The following RAPGEF5 variants were observed in gnomAD, a reference collection of about 807,000 sequenced individuals.
RAPGEF5 encodes Rap guanine nucleotide exchange factor 5.
In RAPGEF5, 65 loss-of-function variants were observed where a neutral mutation model predicts 125.2. The observed-to-expected ratio is 0.52, with a 90% CI of 0.43 to 0.64. The LOEUF (loss-of-function observed/expected upper bound fraction) is 0.64, where lower values mean the gene tolerates loss of function less well. RAPGEF5 is among the 30% of genes least tolerant of loss of function. The pLI, the probability that RAPGEF5 is intolerant of heterozygous loss-of-function variation, is 0.00. For missense variants in RAPGEF5, 958 were observed against 1,048.1 expected, an observed-to-expected ratio of 0.91 and a Z score of 1.19; for synonymous variants, 391 against 385.9, an observed-to-expected ratio of 1.01 and a Z score of -0.16.
intron 11 of RAPGEF5, among the ~76,000 whole-genome samples, chr7:22,171,808 G>C (rs1423762639): frequency 6.6e-6 from 1 of 152,052 alleles, no homozygotes. Flanking sequence ...CATTTTCTTT[G>C]ATATTCTATG....
intron 20 of RAPGEF5, among the ~76,000 whole-genome samples, chr7:22,142,733 G>A (rs1309315715): frequency 6.6e-6 from 1 of 152,184 alleles, no homozygotes; most frequent in African/African-American, 2.4e-5. Flanking sequence ...CACTCCTTTT[G>A]TCTTTGTGTG....
chr7:22,238,862 C>T (rs181829498), intron 7 of RAPGEF5, among the ~76,000 whole-genome samples: 1 of 152,206 alleles, frequency 6.6e-6, no homozygotes, highest in East Asian at 1.9e-4. Flanking sequence ...CAGAATTATA[C>T]AGGAAGTGAG....
chr7:22,130,843 G>C, intron 24 of RAPGEF5, 194 bp downstream of exon 24: 2 of 697,250 alleles, frequency 2.9e-6, no homozygotes, highest in South Asian at 3.8e-5. Flanking sequence ...CATACTTGTT[G>C]TTAATTGGAA....
chr7:22,353,203 A>G (rs1562543391), intron 1 of RAPGEF5, among the ~76,000 whole-genome samples: 1 of 152,072 alleles, frequency 6.6e-6, no homozygotes, highest in Non-Finnish European at 1.5e-5. Context: ...CAAATGAACC[A>G]CTCTCTTCTG....
chr7:22,224,634 C>G (rs1371933373), intron 8 of RAPGEF5, among the ~76,000 whole-genome samples: 1 of 152,048 alleles, frequency 6.6e-6, no homozygotes, highest in Non-Finnish European at 1.5e-5. Context: ...CAAAAGACAG[C>G]ATGTGGGGAA....
At chr7:22,235,102 C>G (rs1473929856) in intron 7 of RAPGEF5, among the ~76,000 whole-genome samples, 1 of 152,134 alleles carries the variant, frequency 6.6e-6, no homozygotes, top group South Asian at 2.1e-4. Flanking sequence ...CAGATAGAAA[C>G]TGAGCATTTC....
At chr7:22,177,270 G>A (rs769209948) in intron 11 of RAPGEF5, among the ~76,000 whole-genome samples, 2 of 152,180 alleles carry the variant, frequency 1.3e-5, no homozygotes, top group Non-Finnish European at 1.5e-5. Context: ...GAATGTCTGG[G>A]CAGTCCTCCA....
intron 2 of RAPGEF5, among the ~76,000 whole-genome samples, chr7:22,315,812 T>C (rs1456921789): frequency 1.3e-5 from 2 of 151,936 alleles, no homozygotes; most frequent in African/African-American, 2.4e-5. Flanking sequence ...AAATATAATA[T>C]TTATATCAAT....
intron 8 of RAPGEF5, among the ~76,000 whole-genome samples, chr7:22,228,261 C>T (rs533572607): frequency 6.6e-6 from 1 of 152,292 alleles, no homozygotes; most frequent in East Asian, 1.9e-4. Flanking sequence ...CAGAACCAGA[C>T]TGCCCTGGTT....
rs145817833 is a variant in RAPGEF5, at chr7:22,150,436, C to G, written c.1855G>C (p.Val619Leu). The G allele has an allele frequency of 6.3e-7, 1 of 1,587,268 alleles. No individual in the cohort carries two copies. The highest frequency in any genetic ancestry group is 2.3e-5 in the East Asian group (1 of 42,906). The part of the protein sequence containing the change: ...KSLEASGRIY[V>L]YRKDLADTLN... Reference sequence around the variant, plus strand: ...GTGTCCGCCAGGTCTTTCCGGTAGACATATATTCGACCAGATGCCTCGAGG... The same window carrying G: ...GTGTCCGCCAGGTCTTTCCGGTAGAGATATATTCGACCAGATGCCTCGAGG... Residue 619 changes from valine to leucine, a missense_variant, in exon 18 of 26, where the codon GTC (valine) becomes CTC (leucine). Transcript: ENST00000665637.
At chr7:22,298,984 T>G (rs1199109095) in intron 5 of RAPGEF5, among the ~76,000 whole-genome samples, 1 of 152,130 alleles carries the variant, frequency 6.6e-6, no homozygotes, top group East Asian at 1.9e-4. Context: ...TTTGTCTTTT[T>G]GTTTTCTTCA....
At position 22,136,983 on chromosome 7, in the gene RAPGEF5, T is replaced by C; in HGVS notation, c.2278A>G (p.Lys760Glu). The C allele has an allele frequency of 6.3e-7, 1 of 1,576,582 alleles. No homozygotes were observed. The highest frequency in any genetic ancestry group is 1.2e-5 in the South Asian group (1 of 86,816). The stretch of plus-strand genomic sequence containing the variant: ...AGTTTCTTAAACTTCCCAGGGATTT[T>C]CTAAAAAACAAACACAAACAAAAAA... ...SVSRLSQTWEKIPGKFKKLFS... is the reference protein window; with the variant it reads ...SVSRLSQTWEEIPGKFKKLFS... The change falls in exon 22 of 26, where the codon AAA becomes GAA. Residue 760 changes from lysine (K) to glutamate (E), a missense_variant and splice_region_variant. Coordinates refer to ENST00000665637, the MANE Select transcript of RAPGEF5 (RefSeq NM_012294.5).
chr7:22,355,004 G>C (rs1038248610), intron 1 of RAPGEF5, among the ~76,000 whole-genome samples: 1 of 152,114 alleles, frequency 6.6e-6, no homozygotes, highest in Non-Finnish European at 1.5e-5. Flanking sequence ...AAATCACAAA[G>C]GTAGTTCCAA....
intron 9 of RAPGEF5, among the ~76,000 whole-genome samples, chr7:22,206,013 C>A (rs896143220): frequency 2.0e-5 from 3 of 152,180 alleles, no homozygotes; most frequent in African/African-American, 7.2e-5. Flanking sequence ...CTACTCAGAA[C>A]TTCCTGAGTA....
rs1232075199 is a variant in RAPGEF5, at chr7:22,118,378, T to C, written c.*4028A>G. The C allele has an allele frequency of 6.6e-6, 1 of 152,544 alleles. No individual in the cohort carries two copies. The highest frequency in any genetic ancestry group is 1.5e-5 in the Non-Finnish European group (1 of 68,026). 9.4% of individuals were successfully genotyped at this position (152,544 alleles called of 1,614,324 possible). ...TTGAAAATACAAGATAAGGTAAGGG[T>C]TACTTATATAAGTTTTAACCTTATA... On this transcript the variant is annotated 3_prime_UTR_variant, in exon 26 of 26. Coordinates refer to ENST00000665637, the MANE Select transcript of RAPGEF5 (RefSeq NM_012294.5).
chr7:22,316,899 T>C (rs1449721488), intron 2 of RAPGEF5, among the ~76,000 whole-genome samples: 3 of 151,382 alleles, frequency 2.0e-5, no homozygotes, highest in Non-Finnish European at 4.4e-5. Context: ...TTAATTTTCC[T>C]GATATCATCT....
At chr7:22,208,338 TCACTGAATGACTA>T (rs929410790) in intron 9 of RAPGEF5, among the ~76,000 whole-genome samples, 1 of 152,236 alleles carries the variant, frequency 6.6e-6, no homozygotes, top group Non-Finnish European at 1.5e-5. Context: ...TTATGTATTG[TCACTGAATGACTA>T]CACTGGTGGC....
At chr7:22,292,350 C>G (rs1372779060) in intron 5 of RAPGEF5, among the ~76,000 whole-genome samples, 1 of 152,226 alleles carries the variant, frequency 6.6e-6, no homozygotes, top group Non-Finnish European at 1.5e-5. Context: ...AAGTCCCACC[C>G]TTCAAATCAC....
intron 7 of RAPGEF5, among the ~76,000 whole-genome samples, chr7:22,247,692 T>C (rs1289479810): frequency 1.3e-5 from 2 of 151,798 alleles, no homozygotes; most frequent in Admixed American, 6.6e-5. Context: ...CATAGCAGTA[T>C]GAAAATGCAC....
Sources: gnomAD v4.1 joint callset for allele counts (sites outside exome capture counted in the v4.1 genomes callset) on GRCh38, gnomAD v4.1.1 for gene constraint, MANE v1.5 for transcripts, NCBI Gene and HGNC (gene_info 2026-07-23, HGNC 2026-07-21) for gene names.